Variants in AARS1 observed in about 807,000 individuals in gnomAD.
AARS1 encodes the protein alanyl-tRNA synthetase 1.
Under a neutral mutation model 108.9 loss-of-function variants are expected in AARS1, and 72 were observed. The observed-to-expected ratio is 0.66, with a 90% confidence interval of 0.55 to 0.80. AARS1 has a LOEUF of 0.80. Ranked by LOEUF, AARS1 falls within the 30% of genes least tolerant of loss-of-function variation. The pLI is 0.00. For missense variants in AARS1, 1,193 were observed against 1,233.2 expected (o/e 0.97, Z 0.49); for synonymous variants, 489 against 465.7 (o/e 1.05, Z -0.64).
intron 7 of AARS1, among the ~76,000 whole-genome samples, chr16:70,269,374 T>TAAAAAA (rs1960343218): frequency 1.0e-5 from 1 of 96,498 alleles, no homozygotes; most frequent in African/African-American, 4.3e-5. Flanking sequence ...CCGTCTCTAC[T>TAAAAAA]AAAAGTACAA....
At chr16:70,268,872 C>A (rs957026977) in intron 7 of AARS1, among the ~76,000 whole-genome samples, 4 of 152,232 alleles carry the variant, frequency 2.6e-5, no homozygotes, top group Admixed American at 2.6e-4. Flanking sequence ...GATTCTTCCA[C>A]CTGCCCAAGA....
Position 70,258,209 on chromosome 16 carries a change from A to G in AARS1, c.2001T>C (p.Tyr667=). 6.3e-7 allele frequency: 1 copy of G among 1,592,674 alleles called. No individual in the cohort carries two copies. The highest frequency in any genetic ancestry group is 1.1e-5 in the South Asian group (1 of 88,488). The change falls in exon 15 of 21, where the codon TAT becomes TAC. Residue 667 remains tyrosine, a synonymous_variant. Coordinates refer to ENST00000261772, the MANE Select transcript of AARS1 (RefSeq NM_001605.3). The stretch of plus-strand genomic sequence containing the variant: ...CTGCTGCCAGGGGGCAATCCTGGGT[A>G]TAGACGGCCTGCCAGACCAAGAAGA... The part of the protein sequence containing the change: ...NEMIEAAKAV[Y]TQDCPLAAAK...
chr16:70,278,302 T>C (rs1420574375), intron 2 of AARS1, among the ~76,000 whole-genome samples: 1 of 151,906 alleles, frequency 6.6e-6, no homozygotes, highest in Admixed American at 6.6e-5. Flanking sequence ...CAGTGGCTCA[T>C]GCCTGTAATC....
chr16:70,280,835 T>C (rs1445922334), intron 2 of AARS1, among the ~76,000 whole-genome samples: 1 of 152,210 alleles, frequency 6.6e-6, no homozygotes, highest in Admixed American at 6.5e-5. Context: ...TTTTCTTTTC[T>C]TTCCTTTTTT....
chr16:70,268,214 C>G, intron 8 of AARS1, 57 bp downstream of exon 8: 1 of 1,502,398 alleles, frequency 6.7e-7, no homozygotes, highest in Non-Finnish European at 9.3e-7. Flanking sequence ...CTCTCCCACT[C>G]CATCCCTCTT....
intron 11 of AARS1, among the ~76,000 whole-genome samples, chr16:70,262,996 A>AC (rs1555540562): frequency 3.9e-5 from 5 of 129,136 alleles, no homozygotes; most frequent in East Asian, 2.1e-4. Flanking sequence ...AAAAAAAAAA[A>AC]AACAACAACA....
rs757898507 is a variant in AARS1 at position 70,258,164 on chromosome 16, T to C, written c.2046A>G (p.Leu682=). 15 of 1,609,716 alleles carry C rather than the reference T, an allele frequency of 9.3e-6. No homozygotes were observed. In the South Asian group the frequency reaches 1.2e-4, roughly 13 times the overall value. The change falls in exon 15 of 21, where the codon CTA becomes CTG. Residue 682 remains leucine (L), a synonymous_variant. Coordinates refer to ENST00000261772, the MANE Select transcript of AARS1 (RefSeq NM_001605.3). ...GATAGGTCTCATCAAACACAGCCCGTAGGCCCTGGATGGCTTTCGCTGCTG... is the reference window on the plus strand; with the variant it reads ...GATAGGTCTCATCAAACACAGCCCGCAGGCCCTGGATGGCTTTCGCTGCTG... ...PLAAAKAIQG[L]RAVFDETYPD... is the part of the protein sequence containing the mutation.
chr16:70,280,410 A>G (rs2152169066), intron 2 of AARS1, among the ~76,000 whole-genome samples: 1 of 152,272 alleles, frequency 6.6e-6, no homozygotes, highest in Non-Finnish European at 1.5e-5. Context: ...TTCCAGGATC[A>G]AGTGATCCTC....
intron 1 of AARS1, 49 bp downstream of exon 1, chr16:70,289,372 G>A: frequency 2.8e-6 from 1 of 353,622 alleles, no homozygotes; most frequent in Admixed American, 3.8e-5. Context: ...CCCAGTCTGC[G>A]GGCCCAGCCG....
intron 4 of AARS1, among the ~76,000 whole-genome samples, chr16:70,272,639 G>A (rs746209133): frequency 6.6e-6 from 1 of 150,696 alleles, no homozygotes; most frequent in Non-Finnish European, 1.5e-5. Flanking sequence ...AAATACACAA[G>A]GACATGAGTA....
Position 70,276,498 on chromosome 16 carries a change from C to T in AARS1, c.467G>A (p.Trp156Ter). Reference sequence around the variant, plus strand: ...TGTGCATTCTTACCCCAAATTTTGCCAGATCTGTTTGCATTCCAGATCTGC... The same window carrying T: ...TGTGCATTCTTACCCCAAATTTTGCTAGATCTGTTTGCATTCCAGATCTGC... ...LEADLECKQIWQNLGLDDTKI... is the reference protein window; with the variant it reads ...LEADLECKQI Residue 156 changes from tryptophan to a stop codon, truncating the protein, a stop_gained, in exon 4 of 21, where the codon TGG (tryptophan) becomes TAG (stop). Coordinates refer to ENST00000261772, the MANE Select transcript of AARS1 (RefSeq NM_001605.3). LOFTEE classifies it high-confidence loss of function. 1 of 1,614,012 alleles carries T rather than the reference C, an allele frequency of 6.2e-7. No individual in the cohort carries two copies. The highest frequency in any genetic ancestry group is 8.5e-7 in the Non-Finnish European group (1 of 1,179,992).
At chr16:70,284,377 C>T (rs990595264) in intron 1 of AARS1, among the ~76,000 whole-genome samples, 9 of 148,112 alleles carry the variant, frequency 6.1e-5, no homozygotes, top group African/African-American at 2.0e-4. Context: ...CCGAGGCAGG[C>T]GGATCACGAG....
intron 1 of AARS1, among the ~76,000 whole-genome samples, chr16:70,283,881 G>A (rs1454071663): frequency 2.0e-5 from 3 of 152,182 alleles, no homozygotes; most frequent in Non-Finnish European, 4.4e-5. Flanking sequence ...AAAGTACAAG[G>A]GAACTGGTGG....
At chr16:70,278,592 G>T (rs1960612136) in intron 2 of AARS1, among the ~76,000 whole-genome samples, 1 of 150,792 alleles carries the variant, frequency 6.6e-6, no homozygotes, top group East Asian at 1.9e-4. Context: ...AAGAGAGAAA[G>T]AAAAAAATTA....
intron 11 of AARS1, 92 bp downstream of exon 11, chr16:70,264,866 C>T: frequency 6.5e-7 from 1 of 1,536,470 alleles, no homozygotes; most frequent in Non-Finnish European, 8.9e-7. Flanking sequence ...TGTCAGCAGT[C>T]TGCTGGAGAG....
chr16:70,276,429 T>G, intron 4 of AARS1, 57 bp downstream of exon 4: 4 of 1,594,270 alleles, frequency 2.5e-6, no homozygotes, highest in Non-Finnish European at 3.4e-6. Flanking sequence ...AACCCCACTC[T>G]GGCACTGAGT....
chr16:70,286,034 TGAG>T (rs995809730), intron 1 of AARS1, among the ~76,000 whole-genome samples: 1 of 152,172 alleles, frequency 6.6e-6, no homozygotes, highest in African/African-American at 2.4e-5. Flanking sequence ...ATGTCCTTCC[TGAG>T]GAGACTATCA....
rs1274784611 is a variant in AARS1 at position 70,277,073 on chromosome 16, T to C, written c.226A>G (p.Ile76Val). 3 of 1,614,046 alleles carry C rather than the reference T, an allele frequency of 1.9e-6. No individual in the cohort carries two copies. Among genetic ancestry groups the C allele is most frequent in the Non-Finnish European group, 2.5e-6 (3 of 1,180,034 alleles). The stretch of plus-strand genomic sequence containing the variant: ...TCATTATGTTTGCCCCCAGCCCGGA[T>C]GCACTTCTGGGTATTGGCAGCTCTG... Reference protein sequence around the residue: ...LSRAANTQKCIRAGGKHNDLD... With the variant: ...LSRAANTQKCVRAGGKHNDLD... Residue 76 changes from isoleucine to valine, a missense_variant, in exon 3 of 21, where the codon ATC (isoleucine) becomes GTC (valine). Ile to Val is a conservative substitution (Grantham distance 29). Transcript: ENST00000261772.
chr16:70,276,415 A>G (rs1960551972), intron 4 of AARS1, 71 bp downstream of exon 4: 7 of 1,559,248 alleles, frequency 4.5e-6, no homozygotes, highest in Non-Finnish European at 6.2e-6. Context: ...ATTCCAGGTC[A>G]TAAAACCCCA....
Sources: gnomAD v4.1 joint callset for allele counts (sites outside exome capture counted in the v4.1 genomes callset) on GRCh38, gnomAD v4.1.1 for gene constraint, MANE v1.5 for transcripts, NCBI Gene and HGNC (gene_info 2026-07-23, HGNC 2026-07-21) for gene names.